Variants in SGSM1 observed in about 807,000 individuals in gnomAD.
SGSM1 encodes the protein RUN and TBC1 domain containing 2.
A neutral mutation model predicts 133.8 loss-of-function variants in SGSM1; 73 were observed. The observed-to-expected ratio is 0.55, with a 90% CI of 0.45 to 0.66. The LOEUF (loss-of-function observed/expected upper bound fraction) is 0.66. Ranked by LOEUF, SGSM1 falls within the 30% of genes least tolerant of loss-of-function variation. The pLI is 0.00. For synonymous variants in SGSM1, 563 were observed against 573.0 expected, an observed-to-expected ratio of 0.98 and a Z score of 0.25; for missense variants, 1,213 against 1,448.1, an observed-to-expected ratio of 0.84 and a Z score of 2.64.
chr22:24,896,611 T>TA (rs966417614), intron 18 of SGSM1, among the ~76,000 whole-genome samples: 3 of 149,362 alleles, frequency 2.0e-5, no homozygotes, highest in African/African-American at 7.7e-5. Context: ...AGGGTTTTTT[T>TA]ATTTTTTGTT....
In SGSM1 at chr22:24,915,099, G is replaced by C. The variant is rs367642408; in HGVS notation, c.2928+2347G>C. 2.6e-5 allele frequency among the ~76,000 whole-genome samples: 4 copies of C among 152,276 alleles called. No homozygotes were observed. The East Asian group carries it at 5.8e-4, about 22-fold the overall frequency. On this transcript the variant is annotated intron_variant, in intron 22 of 24. Coordinates refer to ENST00000400358, the MANE Select transcript of SGSM1 (RefSeq NM_001098497.3). ...AAGAAATTAGCTGGGCGCGGTGGCGGGCGCCTGTAGTCCTAGCTACTCCGG... is the reference window on the plus strand; with the variant it reads ...AAGAAATTAGCTGGGCGCGGTGGCGCGCGCCTGTAGTCCTAGCTACTCCGG...
chr22:24,811,310 A>G (rs532669742), intron 2 of SGSM1, among the ~76,000 whole-genome samples: 1 of 152,160 alleles, frequency 6.6e-6, no homozygotes, highest in East Asian at 1.9e-4. Flanking sequence ...CACCCTACCC[A>G]TCCTGCACCT....
chr22:24,837,641 C>T (rs2147820742), intron 2 of SGSM1, among the ~76,000 whole-genome samples: 1 of 147,148 alleles, frequency 6.8e-6, no homozygotes, highest in Middle Eastern at 3.7e-3. Context: ...CCTTTTGCTA[C>T]CGCTGGACCA....
chr22:24,885,510 C>T (rs1290312649), intron 15 of SGSM1, among the ~76,000 whole-genome samples: 4 of 146,856 alleles, frequency 2.7e-5, no homozygotes, highest in Non-Finnish European at 5.9e-5. Context: ...ACAATCTCGG[C>T]TCACTGCAAG....
chr22:24,873,039 G>A (rs991533319), intron 12 of SGSM1, among the ~76,000 whole-genome samples: 11 of 151,748 alleles, frequency 7.2e-5, no homozygotes, highest in African/African-American at 2.4e-4. Context: ...GCTCACTGCA[G>A]CCTCAACCTC....
intron 14 of SGSM1, among the ~76,000 whole-genome samples, chr22:24,879,908 C>G (rs1337653858): frequency 6.6e-6 from 1 of 152,160 alleles, no homozygotes; most frequent in Non-Finnish European, 1.5e-5. Context: ...CAGTTTCCTT[C>G]TCTCGTGGGC....
At chr22:24,904,383 A>C (rs1021601492) in intron 20 of SGSM1, among the ~76,000 whole-genome samples, 1 of 152,086 alleles carries the variant, frequency 6.6e-6, no homozygotes, top group Non-Finnish European at 1.5e-5. Context: ...GATCGAGACC[A>C]TCCTGGCTAA....
intron 2 of SGSM1, among the ~76,000 whole-genome samples, chr22:24,821,655 C>G (rs1196815596): frequency 6.6e-6 from 1 of 152,198 alleles, no homozygotes; most frequent in African/African-American, 2.4e-5. Context: ...GGCGCTTGGC[C>G]TGTCTGCTGA....
intron 2 of SGSM1, among the ~76,000 whole-genome samples, chr22:24,843,225 G>A (rs1420583984): frequency 1.3e-5 from 2 of 152,086 alleles, no homozygotes; most frequent in East Asian, 3.9e-4. Context: ...AGTTGGTGGA[G>A]CACTGAAATC....
In SGSM1 at chr22:24,818,240, A is replaced by AT. The variant is rs1276911282; in HGVS notation, c.63+11756_63+11757insT. 4.3e-4 allele frequency among the ~76,000 whole-genome samples: 64 copies of AT among 148,172 alleles called. 1 individual carries two copies. The highest frequency in any genetic ancestry group is 5.3e-4 in the African/African-American group (21 of 39,368). Reference sequence around the variant, plus strand: ...GAGCAAGACTCTGTCTCAAAAAAAAAAAAAATAAAATAAAATAAAACAAAC... The same window carrying AT: ...GAGCAAGACTCTGTCTCAAAAAAAAATAAAAATAAAATAAAATAAAACAAAC... On this transcript the variant is annotated intron_variant, in intron 2 of 24. Transcript: ENST00000400358.
chr22:24,880,928 C>T (rs1164640920), intron 14 of SGSM1, among the ~76,000 whole-genome samples: 9 of 152,288 alleles, frequency 5.9e-5, no homozygotes, highest in East Asian at 1.9e-4. Context: ...CGGTGGCTTG[C>T]GCCTATAATC....
chr22:24,901,378 C>T (rs1453607686), intron 19 of SGSM1, among the ~76,000 whole-genome samples: 1 of 152,142 alleles, frequency 6.6e-6, no homozygotes, highest in African/African-American at 2.4e-5. Context: ...CTTAAATTTT[C>T]CCACTTTGGC....
intron 12 of SGSM1, 34 bp from the exon 13 acceptor site, chr22:24,876,543 G>A: frequency 6.2e-7 from 1 of 1,613,182 alleles, no homozygotes; most frequent in Non-Finnish European, 8.5e-7. Flanking sequence ...TTTAACCAGG[G>A]TGATTCTTCT....
intron 2 of SGSM1, among the ~76,000 whole-genome samples, chr22:24,823,491 C>G (rs1184254851): frequency 1.3e-5 from 2 of 152,066 alleles, no homozygotes; most frequent in African/African-American, 4.8e-5. Context: ...GTCCCAGCTA[C>G]TCAGGAGGCT....
chr22:24,830,457 G>A (rs539985822), intron 2 of SGSM1, among the ~76,000 whole-genome samples: 2 of 152,302 alleles, frequency 1.3e-5, no homozygotes, highest in Admixed American at 6.5e-5. Flanking sequence ...ACTCTGCAGC[G>A]TTTGGACTTG....
rs1432214046 is a variant in SGSM1 at position 24,879,665 on chromosome 22, C to T, written c.1495+139C>T. 10 of 843,836 alleles carry T rather than the reference C, an allele frequency of 1.2e-5. No individual in the cohort carries two copies. The East Asian group carries it at 1.9e-4, about 16-fold the overall frequency. The allele number at this position is 843,836 out of a possible 1,614,324, so 52.3% of individuals were successfully genotyped here. A position where few individuals can be genotyped will look rare whatever the true frequency, so the allele number is the denominator to read the frequency against. ...TTCCCTAGATGTCTGGTTTCAGTGA[C>T]GTTACATGAACTTCTCTGAGCCTCA... is the stretch of plus-strand genomic sequence containing the variant. On this transcript the variant is annotated intron_variant, in intron 14 of 24. Transcript: ENST00000400358.
At chr22:24,900,414 T>TCTTTCTTC (rs1484572431) in intron 19 of SGSM1, among the ~76,000 whole-genome samples, 3 of 146,270 alleles carry the variant, frequency 2.1e-5, no homozygotes, top group African/African-American at 7.8e-5. Flanking sequence ...TTTCTGTATT[T>TCTTTCTTC]TTGAGACAGA....
At chr22:24,871,791 A>G (rs1252498735) in intron 12 of SGSM1, among the ~76,000 whole-genome samples, 2 of 152,162 alleles carry the variant, frequency 1.3e-5, no homozygotes, top group African/African-American at 4.8e-5. Flanking sequence ...ACTTCAACCC[A>G]CATGGAAATG....
intron 21 of SGSM1, among the ~76,000 whole-genome samples, chr22:24,911,649 T>C (rs1369845173): frequency 1.3e-5 from 2 of 152,136 alleles, no homozygotes; most frequent in African/African-American, 4.8e-5. Flanking sequence ...ATTACCTCTG[T>C]GGTTTTCCTC....
Sources: gnomAD v4.1 joint callset for allele counts (sites outside exome capture counted in the v4.1 genomes callset) on GRCh38, gnomAD v4.1.1 for gene constraint, MANE v1.5 for transcripts, NCBI Gene and HGNC (gene_info 2026-07-23, HGNC 2026-07-21) for gene names.